The following ZNF267 variants were observed in gnomAD, a reference collection of about 807,000 sequenced individuals.
The protein encoded by ZNF267 is zinc finger protein 267, also known as zinc finger (C2H2).
In ZNF267, 61 loss-of-function variants were observed where a neutral mutation model predicts 71.6. The observed-to-expected ratio is 0.85, with a 90% CI of 0.69 to 1.05. The LOEUF (loss-of-function observed/expected upper bound fraction) is 1.05. ZNF267 is among the 50% of genes least tolerant of loss of function. ZNF267 has a pLI of 0.00. For missense variants in ZNF267, 852 were observed against 870.0 expected, an observed-to-expected ratio of 0.98 and a Z score of 0.26; for synonymous variants, 288 against 293.2, an observed-to-expected ratio of 0.98 and a Z score of 0.18.
intron 1 of ZNF267, among the ~76,000 whole-genome samples, chr16:31,876,596 A>T (rs1394352055): frequency 6.6e-6 from 1 of 152,230 alleles, no homozygotes; most frequent in African/African-American, 2.4e-5. Flanking sequence ...ATGATCTGTT[A>T]TCATGGAAAT....
At chr16:31,906,460 T>G (rs2084091085) in intron 3 of ZNF267, among the ~76,000 whole-genome samples, 1 of 152,198 alleles carries the variant, frequency 6.6e-6, no homozygotes. Flanking sequence ...GTTTACCTAC[T>G]CAAGCCTGGG....
At position 31,873,859 on chromosome 16, in the gene ZNF267, C is replaced by T. The variant is rs746861465; in HGVS notation, c.-108C>T. 5.4e-6 allele frequency: 8 copies of T among 1,492,316 alleles called. No individual in the cohort carries two copies. The highest frequency in any genetic ancestry group is 2.3e-5 in the South Asian group (2 of 87,790). The allele number at this position is 1,492,316 out of a possible 1,614,324, so 92.4% of individuals were successfully genotyped here. On this transcript the variant is annotated 5_prime_UTR_variant, in exon 1 of 4. Transcript: ENST00000300870. ...GCTCCGAGTCTTTCGTTCTGGGAGG[C>T]CCAGGCGGCTTCGCGTTCTGAGAAT...
chr16:31,882,229 C>T (rs112049439), intron 1 of ZNF267, among the ~76,000 whole-genome samples: 7,912 of 152,274 alleles, frequency 0.052, 294 homozygotes, highest in Non-Finnish European at 0.081. Context: ...TGCATGTATC[C>T]GTGCTGTTTT....
chr16:31,880,284 T>C (rs2083880582), intron 1 of ZNF267, among the ~76,000 whole-genome samples: 1 of 152,174 alleles, frequency 6.6e-6, no homozygotes, highest in Non-Finnish European at 1.5e-5. Context: ...TTCCTTTTTA[T>C]AAACAGAATC....
chr16:31,904,993 T>C (rs995105230), intron 3 of ZNF267, among the ~76,000 whole-genome samples: 2 of 152,166 alleles, frequency 1.3e-5, no homozygotes, highest in African/African-American at 4.8e-5. Flanking sequence ...GGTGACAAAA[T>C]CTCTCAGCAT....
At chr16:31,903,414 G>A (rs1303867347) in intron 3 of ZNF267, among the ~76,000 whole-genome samples, 2 of 152,140 alleles carry the variant, frequency 1.3e-5, no homozygotes, top group African/African-American at 2.4e-5. Context: ...AATCCATCTG[G>A]TCCTGGACTT....
intron 3 of ZNF267, among the ~76,000 whole-genome samples, chr16:31,898,376 C>T (rs2084015146): frequency 1.3e-5 from 2 of 151,920 alleles, no homozygotes; most frequent in African/African-American, 4.8e-5. Flanking sequence ...AGCATAGAGT[C>T]GGATCTTGTT....
At chr16:31,874,131 G>C in intron 1 of ZNF267, 162 bp downstream of exon 1, 1 of 750,416 alleles carries the variant, frequency 1.3e-6, no homozygotes. Flanking sequence ...TCCGCTGCAA[G>C]ATGGCGGCCA....
chr16:31,904,412 T>G (rs1055338400), intron 3 of ZNF267, among the ~76,000 whole-genome samples: 4 of 152,244 alleles, frequency 2.6e-5, no homozygotes, highest in African/African-American at 9.6e-5. Context: ...TATTATTGTG[T>G]GGGAGTCTAA....
chr16:31,896,725 T>C (rs1363319027), intron 3 of ZNF267, among the ~76,000 whole-genome samples: 3 of 152,200 alleles, frequency 2.0e-5, no homozygotes, highest in African/African-American at 7.2e-5. Flanking sequence ...TCCGGATTTA[T>C]TCTTTTTGCT....
At chr16:31,899,191 A>G (rs375330405) in intron 3 of ZNF267, among the ~76,000 whole-genome samples, 4 of 152,220 alleles carry the variant, frequency 2.6e-5, no homozygotes, top group Non-Finnish European at 5.9e-5. Flanking sequence ...CCTAATAGAC[A>G]TCTACAGAAC....
At chr16:31,876,080 C>G (rs2083850376) in intron 1 of ZNF267, among the ~76,000 whole-genome samples, 1 of 152,130 alleles carries the variant, frequency 6.6e-6, no homozygotes. Flanking sequence ...AAAGTGAATA[C>G]ATTTTCACAA....
intron 3 of ZNF267, among the ~76,000 whole-genome samples, chr16:31,893,697 C>G (rs1035564335): frequency 1.3e-5 from 2 of 152,216 alleles, no homozygotes; most frequent in Non-Finnish European, 2.9e-5. Flanking sequence ...CATAACTGCT[C>G]CTGAACTGTG....
At chr16:31,896,909 A>G (rs2084003505) in intron 3 of ZNF267, among the ~76,000 whole-genome samples, 1 of 152,114 alleles carries the variant, frequency 6.6e-6, no homozygotes, top group African/African-American at 2.4e-5. Context: ...TGAACACAAG[A>G]TATCTTTTCA....
chr16:31,915,406 G>A lies in ZNF267; in HGVS notation c.1157G>A (p.Ser386Asn). The change falls in exon 4 of 4, where the codon AGC (serine) becomes AAC (asparagine). Residue 386 changes from serine to asparagine, a missense_variant. Transcript: ENST00000300870. Reference sequence around the variant, plus strand: ...AACCTTTACAAATGTAAAGCATGTAGCAAATCTTTTACTCGTTCCTCCAAT... The same window carrying A: ...AACCTTTACAAATGTAAAGCATGTAACAAATCTTTTACTCGTTCCTCCAAT... ...GENLYKCKAC[S>N]KSFTRSSNLI... The A allele has an allele frequency of 1.9e-6, 3 of 1,613,644 alleles. No individual in the cohort carries two copies. The highest frequency in any genetic ancestry group is 2.5e-6 in the Non-Finnish European group (3 of 1,179,834).
intron 3 of ZNF267, among the ~76,000 whole-genome samples, chr16:31,905,501 C>T (rs2084081657): frequency 6.6e-6 from 1 of 152,066 alleles, no homozygotes; most frequent in African/African-American, 2.4e-5. Context: ...ATTCTTTTTT[C>T]TCTAAACTTC....
At chr16:31,882,010 C>T (rs1226420819) in intron 1 of ZNF267, among the ~76,000 whole-genome samples, 3 of 152,100 alleles carry the variant, frequency 2.0e-5, no homozygotes, top group Non-Finnish European at 4.4e-5. Flanking sequence ...TTTCTGTATC[C>T]CTCCCATCTG....
At chr16:31,903,257 T>C (rs2084057666) in intron 3 of ZNF267, among the ~76,000 whole-genome samples, 2 of 152,288 alleles carry the variant, frequency 1.3e-5, no homozygotes, top group African/African-American at 4.8e-5. Flanking sequence ...TCTTTTTTTG[T>C]TGTGTGTCTG....
chr16:31,914,995 T>C lies in ZNF267; in HGVS notation c.746T>C (p.Phe249Ser), dbSNP rs201661004. The change falls in exon 4 of 4, where the codon TTT becomes TCT. Residue 249 changes from phenylalanine (F) to serine (S), a missense_variant. Physicochemically the swap from Phe to Ser is radical, Grantham distance 155. Coordinates refer to ENST00000300870, the MANE Select transcript of ZNF267 (RefSeq NM_003414.6). ...FLEKQYKCKE[F>S]EEVFLQSMHG... ...GAAAAACAATACAAATGTAAAGAAT[T>C]TGAGGAAGTCTTTCTTCAGAGTATG... 4.7e-5 allele frequency: 76 copies of C among 1,608,904 alleles called. No homozygotes were observed. The East Asian group carries it at 1.6e-3, about 34-fold the overall frequency.
Sources: gnomAD v4.1 joint callset for allele counts (sites outside exome capture counted in the v4.1 genomes callset) on GRCh38, gnomAD v4.1.1 for gene constraint, MANE v1.5 for transcripts, NCBI Gene and HGNC (gene_info 2026-07-23, HGNC 2026-07-21) for gene names.